PALM2AKAP2: variants seen among roughly 807,000 people sequenced by gnomAD.
The protein encoded by PALM2AKAP2 is PALM2-AKAP2 fusion protein.
A neutral mutation model predicts 71.5 loss-of-function variants in PALM2AKAP2; 37 were observed. That is an observed-to-expected ratio of 0.52 (90% CI 0.40 to 0.68). PALM2AKAP2 has a LOEUF of 0.68. PALM2AKAP2 is among the 30% of genes least tolerant of loss of function. The pLI is 0.00. For synonymous variants in PALM2AKAP2, 468 were observed against 478.8 expected (o/e 0.98, Z 0.29); for missense variants, 1,224 against 1,191.8 (o/e 1.03, Z -0.40).
At chr9:109,740,696 C>T (rs1828703770) in intron 1 of PALM2AKAP2, among the ~76,000 whole-genome samples, 1 of 152,280 alleles carries the variant, frequency 6.6e-6, no homozygotes, top group Admixed American at 6.5e-5. Context: ...ACTGTGTTGT[C>T]AGGCTGGAGT....
exon 2 of PALM2AKAP2, chr9:110,138,061 G>GGAAGCTGAAGCT (rs150402481): frequency 6.2e-6 from 10 of 1,613,520 alleles, no homozygotes; most frequent in African/African-American, 1.3e-5. Flanking sequence ...CGACTGTAGA[G>GGAAGCTGAAGCT]GAAGCTGAAG....
intron 3 of PALM2AKAP2, among the ~76,000 whole-genome samples, chr9:109,913,005 A>G (rs185598615): frequency 2.8e-4 from 42 of 152,330 alleles, no homozygotes; most frequent in African/African-American, 8.9e-4. Context: ...CTTCTGACCA[A>G]TAGTTTCACC....
intron 1 of PALM2AKAP2, among the ~76,000 whole-genome samples, chr9:109,680,967 A>G (rs1339613732): frequency 1.3e-5 from 2 of 152,206 alleles, no homozygotes; most frequent in African/African-American, 2.4e-5. Context: ...GAGTTAGACA[A>G]TAAGGAAAAC....
intron 1 of PALM2AKAP2, among the ~76,000 whole-genome samples, chr9:109,694,013 T>C (rs1158923460): frequency 1.3e-5 from 2 of 151,998 alleles, no homozygotes. Flanking sequence ...TTACTTGGCT[T>C]GTTTTCTGCT....
intron 3 of PALM2AKAP2, among the ~76,000 whole-genome samples, chr9:109,902,246 G>A (rs1830346224): frequency 6.6e-6 from 1 of 152,168 alleles, no homozygotes; most frequent in South Asian, 2.1e-4. Context: ...TCTTAATCAA[G>A]TTAATATATG....
intron 6 of PALM2AKAP2, among the ~76,000 whole-genome samples, chr9:109,983,336 C>T (rs934604592): frequency 6.6e-6 from 1 of 152,034 alleles, no homozygotes; most frequent in African/African-American, 2.4e-5. Context: ...TCTCTTCTAC[C>T]ATCCCTTTGC....
intron 6 of PALM2AKAP2, among the ~76,000 whole-genome samples, chr9:110,013,718 C>G (rs1364331126): frequency 6.6e-6 from 1 of 152,162 alleles, no homozygotes; most frequent in Non-Finnish European, 1.5e-5. Flanking sequence ...AAATGAAGCT[C>G]TCAAGGACCC....
rs564849019 is a variant in PALM2AKAP2, at chr9:110,135,198, A to G, written c.157-929A>G. Among the ~76,000 whole-genome samples the G allele has an allele frequency of 4.2e-4, 43 of 102,858 alleles. 3 individuals carry two copies. Among genetic ancestry groups the G allele is most frequent in the African/African-American group, 1.4e-3 (35 of 25,918 alleles). The allele number at this position is 102,858 out of a possible 152,430, so 67.5% of individuals were successfully genotyped here. A position where few individuals can be genotyped will look rare whatever the true frequency, so the allele number is the denominator to read the frequency against. The stretch of plus-strand genomic sequence containing the variant: ...ATATATATATATATATAAATCAGCC[A>G]GGGGTGATGGCACACACCGGTAGTC... On this transcript the variant is annotated intron_variant, in intron 1 of 3. Coordinates refer to ENST00000374525, the Ensembl canonical transcript of PALM2AKAP2.
At chr9:110,107,628 G>A (rs939762905) in intron 1 of PALM2AKAP2, among the ~76,000 whole-genome samples, 3 of 152,150 alleles carry the variant, frequency 2.0e-5, no homozygotes, top group Admixed American at 6.5e-5. Flanking sequence ...GTGCAGTTGT[G>A]CCATCTCAGC....
At chr9:109,661,722 G>C (rs1165838091) in intron 1 of PALM2AKAP2, among the ~76,000 whole-genome samples, 2 of 152,146 alleles carry the variant, frequency 1.3e-5, no homozygotes, top group East Asian at 3.8e-4. Context: ...TAGCTTGATG[G>C]GGATGGCATT....
intron 1 of PALM2AKAP2, among the ~76,000 whole-genome samples, chr9:110,096,239 T>A (rs1168311371): frequency 6.6e-6 from 1 of 152,174 alleles, no homozygotes; most frequent in Non-Finnish European, 1.5e-5. Flanking sequence ...TAGCTCTTTC[T>A]CTTTTTTTGC....
At chr9:109,839,321 G>C (rs933278341) in intron 1 of PALM2AKAP2, among the ~76,000 whole-genome samples, 8 of 152,176 alleles carry the variant, frequency 5.3e-5, no homozygotes, top group African/African-American at 1.9e-4. Context: ...AAAGGCCTTT[G>C]ACAAAATTCA....
At chr9:110,064,802 G>T (rs772026128) in intron 1 of PALM2AKAP2, among the ~76,000 whole-genome samples, 5 of 152,162 alleles carry the variant, frequency 3.3e-5, no homozygotes, top group Non-Finnish European at 4.4e-5. Context: ...TTGGGACCTC[G>T]GTGGCCCCGT....
intron 7 of PALM2AKAP2, among the ~76,000 whole-genome samples, chr9:110,017,675 A>G (rs193289373): frequency 1.3e-3 from 194 of 152,208 alleles, no homozygotes; most frequent in Non-Finnish European, 2.1e-3. Flanking sequence ...ACAGACAGAC[A>G]TTCAAGTAGT....
chr9:109,681,152 A>G (rs955305359), intron 1 of PALM2AKAP2, among the ~76,000 whole-genome samples: 9 of 152,200 alleles, frequency 5.9e-5, no homozygotes, highest in Admixed American at 2.0e-4. Flanking sequence ...TAACAAAAAC[A>G]TTGTTTTGCA....
chr9:110,002,078 T>A (rs1832691778), intron 6 of PALM2AKAP2, among the ~76,000 whole-genome samples: 1 of 152,230 alleles, frequency 6.6e-6, no homozygotes, highest in African/African-American at 2.4e-5. Context: ...AGAGAGGGCA[T>A]CCCTGTCTTG....
intron 1 of PALM2AKAP2, among the ~76,000 whole-genome samples, chr9:109,807,357 G>A (rs1350889210): frequency 2.0e-5 from 3 of 152,226 alleles, no homozygotes; most frequent in African/African-American, 7.2e-5. Flanking sequence ...TAGCCTGTTA[G>A]TGCTGCTGTA....
intron 1 of PALM2AKAP2, among the ~76,000 whole-genome samples, chr9:109,804,922 A>T (rs572442105): frequency 6.6e-6 from 1 of 152,216 alleles, no homozygotes; most frequent in East Asian, 1.9e-4. Flanking sequence ...CATGTAGGGA[A>T]TTTTTTTGGC....
At chr9:110,120,536 T>G (rs1420013506) in intron 1 of PALM2AKAP2, among the ~76,000 whole-genome samples, 1 of 152,234 alleles carries the variant, frequency 6.6e-6, no homozygotes, top group Non-Finnish European at 1.5e-5. Flanking sequence ...AGAGTCTTGC[T>G]CTGTTGCCCA....
Sources: gnomAD v4.1 joint callset for allele counts (sites outside exome capture counted in the v4.1 genomes callset) on GRCh38, gnomAD v4.1.1 for gene constraint, MANE v1.5 for transcripts, NCBI Gene and HGNC (gene_info 2026-07-23, HGNC 2026-07-21) for gene names.